Variants in NSMCE2 observed in about 807,000 individuals in gnomAD.
NSMCE2 encodes the protein NSE2 SUMO ligase component of SMC5/6 complex, also known as E3 SUMO-protein ligase NSE2.
In NSMCE2, 24 loss-of-function variants were observed where a neutral mutation model predicts 23.8. That is an observed-to-expected ratio of 1.01 (90% CI 0.73 to 1.42). The LOEUF (loss-of-function observed/expected upper bound fraction) is 1.42. NSMCE2 is among the 40% of genes most tolerant of loss of function. NSMCE2 has a pLI of 0.00. For missense variants in NSMCE2, 284 were observed against 296.5 expected (o/e 0.96, Z 0.31); for synonymous variants, 92 against 94.1 (o/e 0.98, Z 0.13).
chr8:125,291,838 T>C (rs973019920), intron 5 of NSMCE2, among the ~76,000 whole-genome samples: 1 of 152,198 alleles, frequency 6.6e-6, no homozygotes, highest in Non-Finnish European at 1.5e-5. Context: ...GGAGTTTCTA[T>C]ATAAACAACT....
At chr8:125,334,342 AT>A (rs1191809013) in intron 5 of NSMCE2, among the ~76,000 whole-genome samples, 3 of 152,168 alleles carry the variant, frequency 2.0e-5, no homozygotes, top group Non-Finnish European at 2.9e-5. Context: ...AGTTACCCAG[AT>A]AATGGTCTCT....
intron 5 of NSMCE2, among the ~76,000 whole-genome samples, chr8:125,216,405 C>T (rs374624234): frequency 7.9e-5 from 12 of 152,138 alleles, no homozygotes; most frequent in African/African-American, 2.4e-4. Flanking sequence ...TTTGGAAGGC[C>T]GAGGCAGGCA....
chr8:125,158,348 C>T (rs927246587), intron 4 of NSMCE2, among the ~76,000 whole-genome samples: 4 of 152,014 alleles, frequency 2.6e-5, no homozygotes, highest in African/African-American at 9.7e-5. Flanking sequence ...GTGTTTGAAG[C>T]AAAGAAGACC....
At chr8:125,182,927 C>G (rs1283563299) in intron 5 of NSMCE2, 1 of 151,960 alleles carries the variant, frequency 6.6e-6, no homozygotes, top group Non-Finnish European at 1.5e-5. Flanking sequence ...GTATATATGC[C>G]CTTTCTTTTC....
intron 5 of NSMCE2, among the ~76,000 whole-genome samples, chr8:125,300,504 G>A (rs542731277): frequency 8.5e-5 from 13 of 152,298 alleles, no homozygotes; most frequent in African/African-American, 2.6e-4. Flanking sequence ...CATATCAAAT[G>A]TGACAAGGCA....
intron 3 of NSMCE2, among the ~76,000 whole-genome samples, chr8:125,148,482 A>G (rs115206076): frequency 0.015 from 2,317 of 152,314 alleles, 40 homozygotes; most frequent in Admixed American, 0.048. Flanking sequence ...GATTGCTAAC[A>G]TTATATCTAT....
rs139679097 is a variant in NSMCE2, at chr8:125,280,099, A to T, written c.419-77120A>T. ...AGGACTCACTGCCAAGAAAGTGATGATTTTCTTTAACACCCCAAAAGCTGT... is the reference window on the plus strand; with the variant it reads ...AGGACTCACTGCCAAGAAAGTGATGTTTTTCTTTAACACCCCAAAAGCTGT... On this transcript the variant is annotated intron_variant, in intron 5 of 7. Transcript: ENST00000287437. 3.7e-3 allele frequency among the ~76,000 whole-genome samples: 564 copies of T among 152,320 alleles called. 2 individuals carry two copies. Among genetic ancestry groups the T allele is most frequent in the Non-Finnish European group, 6.0e-3 (408 of 68,016 alleles).
chr8:125,279,112 A>G (rs1827595363), intron 5 of NSMCE2, among the ~76,000 whole-genome samples: 1 of 152,204 alleles, frequency 6.6e-6, no homozygotes, highest in African/African-American at 2.4e-5. Flanking sequence ...TTAAATACAT[A>G]TATATTTTTC....
intron 5 of NSMCE2, among the ~76,000 whole-genome samples, chr8:125,354,938 C>G (rs1298414148): frequency 6.6e-6 from 1 of 152,172 alleles, no homozygotes; most frequent in Non-Finnish European, 1.5e-5. Context: ...CACATCTGGC[C>G]TCATGCAACA....
intron 5 of NSMCE2, among the ~76,000 whole-genome samples, chr8:125,340,025 T>TTG (rs1351127962): frequency 6.9e-6 from 1 of 145,022 alleles, no homozygotes; most frequent in Non-Finnish European, 1.5e-5. Flanking sequence ...TTTTTTTTTT[T>TTG]TTTTTTTGAG....
At chr8:125,353,358 A>G (rs1459586124) in intron 5 of NSMCE2, among the ~76,000 whole-genome samples, 1 of 152,216 alleles carries the variant, frequency 6.6e-6, no homozygotes, top group Non-Finnish European at 1.5e-5. Flanking sequence ...TCCAAGGGAA[A>G]GACGGCTCCT....
intron 7 of NSMCE2, among the ~76,000 whole-genome samples, chr8:125,365,925 T>G (rs1459572667): frequency 6.6e-6 from 1 of 152,158 alleles, no homozygotes; most frequent in Non-Finnish European, 1.5e-5. Context: ...CACTTCCAAC[T>G]GCTCTCCCTC....
chr8:125,167,294 AT>A (rs1281976378), intron 4 of NSMCE2, among the ~76,000 whole-genome samples: 1 of 152,224 alleles, frequency 6.6e-6, no homozygotes, highest in Admixed American at 6.5e-5. Flanking sequence ...GAAATCTTGA[AT>A]TTGATGTAAA....
At chr8:125,329,737 C>T (rs960194114) in intron 5 of NSMCE2, among the ~76,000 whole-genome samples, 1 of 152,162 alleles carries the variant, frequency 6.6e-6, no homozygotes, top group Admixed American at 6.5e-5. Context: ...GCCAGTTTAC[C>T]TCTCTGGACC....
chr8:125,359,681 T>G (rs1275466058), intron 7 of NSMCE2, among the ~76,000 whole-genome samples: 1 of 152,174 alleles, frequency 6.6e-6, no homozygotes, highest in Admixed American at 6.5e-5. Flanking sequence ...TGACAATCGT[T>G]GTAATCACCT....
rs548070546 is a variant in NSMCE2, at chr8:125,108,404, T to C, written c.157+5917T>C. 1.2e-3 allele frequency among the ~76,000 whole-genome samples: 187 copies of C among 152,310 alleles called. 1 individual carries two copies. The highest frequency in any genetic ancestry group is 2.6e-3 in the Admixed American group (40 of 15,304). On this transcript the variant is annotated intron_variant, in intron 3 of 7. Coordinates refer to ENST00000287437, the MANE Select transcript of NSMCE2 (RefSeq NM_173685.4). ...CCTGTAACAGTAGATGAAAGACTTG[T>C]AGAAGGCTGATACTAAGGCAGCCAG...
chr8:125,187,714 G>C (rs927098632), intron 5 of NSMCE2, among the ~76,000 whole-genome samples: 2 of 152,064 alleles, frequency 1.3e-5, no homozygotes, highest in African/African-American at 4.8e-5. Context: ...CTTATGTTTT[G>C]AAAGTTTCTA....
At chr8:125,334,452 G>C (rs1453918601) in intron 5 of NSMCE2, among the ~76,000 whole-genome samples, 1 of 152,170 alleles carries the variant, frequency 6.6e-6, no homozygotes, top group African/African-American at 2.4e-5. Flanking sequence ...CCTAGAAGGA[G>C]CATGGGGACA....
At chr8:125,189,796 G>T (rs1823263342) in intron 5 of NSMCE2, among the ~76,000 whole-genome samples, 1 of 152,128 alleles carries the variant, frequency 6.6e-6, no homozygotes, top group Non-Finnish European at 1.5e-5. Flanking sequence ...ACATAATTTT[G>T]TGTATATAAC....
Sources: allele counts gnomAD v4.1 joint callset (sites outside exome capture counted in the v4.1 genomes callset), GRCh38; gene constraint gnomAD v4.1.1; transcripts MANE v1.5; gene names NCBI Gene and HGNC (gene_info 2026-07-23, HGNC 2026-07-21).